Variants in GRID1 observed in about 807,000 individuals in gnomAD.
The protein encoded by GRID1 is glutamate receptor ionotropic, delta-1.
GRID1 carries 28 observed loss-of-function variants against 98.0 expected under a neutral mutation model. That is an observed-to-expected ratio of 0.29 (90% CI 0.21 to 0.39). The LOEUF is 0.39. Among genes scored for constraint, GRID1 ranks in the 10% least tolerant of loss-of-function variants. The pLI is 1.00. For missense variants in GRID1, 1,111 were observed against 1,340.5 expected, an observed-to-expected ratio of 0.83 and a Z score of 2.67; for synonymous variants, 553 against 538.5, an observed-to-expected ratio of 1.03 and a Z score of -0.37.
At chr10:86,006,615 TA>T (rs756394543) in intron 4 of GRID1, among the ~76,000 whole-genome samples, 496 of 139,824 alleles carry the variant, frequency 3.5e-3, no homozygotes, top group Middle Eastern at 0.011. Context: ...AGACGCCGTC[TA>T]AAAAAAAAAA....
At chr10:85,613,727 T>TGCTGGCCCCACCAC in intron 14 of GRID1, 80 bp from the exon 15 acceptor site, 1 of 1,519,710 alleles carries the variant, frequency 6.6e-7, no homozygotes. Flanking sequence ...TGCCCCACCA[T>TGCTGGCCCCACCAC]GCTGGCCCCA....
intron 2 of GRID1, among the ~76,000 whole-genome samples, chr10:86,355,746 C>A (rs1381689392): frequency 6.6e-6 from 1 of 152,268 alleles, no homozygotes; most frequent in South Asian, 2.1e-4. Context: ...ACAGACCCAG[C>A]TGTCTTCCTG....
chr10:86,008,224 G>A (rs758696353), intron 4 of GRID1, among the ~76,000 whole-genome samples: 4 of 152,118 alleles, frequency 2.6e-5, no homozygotes, highest in African/African-American at 4.8e-5. Context: ...AAAGAAGGCA[G>A]GAACAGGAAC....
chr10:85,660,809 TGGCAG>T (rs1378770244), intron 12 of GRID1, among the ~76,000 whole-genome samples: 1 of 151,738 alleles, frequency 6.6e-6, no homozygotes, highest in Non-Finnish European at 1.5e-5. Flanking sequence ...CATGCTGGAG[TGGCAG>T]GGCAGGGAAG....
intron 5 of GRID1, among the ~76,000 whole-genome samples, chr10:85,877,889 G>T (rs935637306): frequency 2.0e-5 from 3 of 152,152 alleles, no homozygotes; most frequent in African/African-American, 7.2e-5. Context: ...TTAGACAAAT[G>T]GATAACTAGA....
chr10:86,306,166 G>C (rs552626842), intron 2 of GRID1, among the ~76,000 whole-genome samples: 42 of 152,284 alleles, frequency 2.8e-4, no homozygotes, highest in African/African-American at 9.6e-4. Flanking sequence ...CAAACAAGTG[G>C]GTACTAGCCT....
intron 2 of GRID1, among the ~76,000 whole-genome samples, chr10:86,224,024 C>T (rs1037310523): frequency 3.9e-5 from 6 of 152,216 alleles, no homozygotes; most frequent in Non-Finnish European, 8.8e-5. Flanking sequence ...CAAGGACCAG[C>T]AGGTGATACA....
In GRID1 at chr10:86,348,287, A is replaced by C. The variant is rs866954994; in HGVS notation, c.235+15654T>G. ...TGGTGCTCACAGACTTCAAAGGTGC[A>C]TGTAGAAGCCAGACACCAAAGATAC... On this transcript the variant is annotated intron_variant, in intron 2 of 15. Coordinates refer to ENST00000327946, the MANE Select transcript of GRID1 (RefSeq NM_017551.3). Among the ~76,000 whole-genome samples, 6 of 152,358 alleles carry C rather than the reference A, an allele frequency of 3.9e-5. No homozygotes were observed. In the East Asian group the frequency reaches 1.2e-3, roughly 29 times the overall value.
chr10:85,606,355 CT>C (rs1420882339), intron 15 of GRID1: 1 of 152,196 alleles, frequency 6.6e-6, no homozygotes, highest in Non-Finnish European at 1.5e-5. Flanking sequence ...GAAATCCATC[CT>C]CTTCACATCA....
intron 2 of GRID1, among the ~76,000 whole-genome samples, chr10:86,296,984 C>T (rs927932942): frequency 6.6e-6 from 1 of 152,136 alleles, no homozygotes; most frequent in Non-Finnish European, 1.5e-5. Context: ...AACTACCAAA[C>T]TTTATTTAGA....
chr10:85,625,993 G>T (rs1590164901), intron 13 of GRID1, among the ~76,000 whole-genome samples: 1 of 152,142 alleles, frequency 6.6e-6, no homozygotes, highest in Non-Finnish European at 1.5e-5. Flanking sequence ...AACTGCTTTG[G>T]AAAGGGACAA....
intron 8 of GRID1, among the ~76,000 whole-genome samples, chr10:85,766,730 TTGTGTGTGTGTG>T (rs35691322): frequency 1.0e-4 from 14 of 138,352 alleles, no homozygotes; most frequent in African/African-American, 1.6e-4. Context: ...AGGCAGATGA[TTGTGTGTGTGTG>T]TGTGTGTGTG....
At position 85,652,404 on chromosome 10, in the gene GRID1, C is replaced by T. The variant is rs79493131; in HGVS notation, c.1998-5007G>A. On this transcript the variant is annotated intron_variant, in intron 12 of 15. Transcript: ENST00000327946. ...GAATCAATATTCAGTATACGTAAAACGGATTTCAACAACGGTGGGGATGTC... is the reference window on the plus strand; with the variant it reads ...GAATCAATATTCAGTATACGTAAAATGGATTTCAACAACGGTGGGGATGTC... Among the ~76,000 whole-genome samples the T allele has an allele frequency of 4.7e-3, 712 of 152,240 alleles. 8 individuals carry two copies. The highest frequency in any genetic ancestry group is 0.016 in the African/African-American group (670 of 41,512).
intron 8 of GRID1, among the ~76,000 whole-genome samples, chr10:85,756,776 C>T (rs1272668978): frequency 6.6e-6 from 1 of 152,210 alleles, no homozygotes; most frequent in African/African-American, 2.4e-5. Context: ...TGTATAGACA[C>T]AGGCATTTGG....
At chr10:85,694,154 G>T (rs565555358) in intron 12 of GRID1, among the ~76,000 whole-genome samples, 6 of 151,942 alleles carry the variant, frequency 3.9e-5, no homozygotes, top group African/African-American at 9.7e-5. Flanking sequence ...ACATACCAAC[G>T]ATCAACAAAC....
chr10:86,016,303 C>T (rs1014220810), intron 4 of GRID1, among the ~76,000 whole-genome samples: 3 of 150,858 alleles, frequency 2.0e-5, no homozygotes, highest in Non-Finnish European at 3.0e-5. Context: ...CCCACCACCA[C>T]GCCTGGCTAA....
intron 15 of GRID1, 34 bp downstream of exon 15, chr10:85,613,373 C>T: frequency 6.3e-7 from 1 of 1,592,812 alleles, no homozygotes; most frequent in Non-Finnish European, 8.6e-7. Flanking sequence ...TGCCTCTAGG[C>T]TGTGAAAGGG....
intron 12 of GRID1, among the ~76,000 whole-genome samples, chr10:85,651,577 C>G (rs1407769575): frequency 6.6e-6 from 1 of 152,160 alleles, no homozygotes; most frequent in African/African-American, 2.4e-5. Context: ...GAAGTCTGAA[C>G]CCAGGATGAG....
chr10:85,628,133 G>A (rs1267520268), intron 13 of GRID1, among the ~76,000 whole-genome samples: 1 of 152,004 alleles, frequency 6.6e-6, no homozygotes, highest in Non-Finnish European at 1.5e-5. Flanking sequence ...GTGAGTGTGT[G>A]TGCATTCAAT....
Sources: gnomAD v4.1 joint callset for allele counts (sites outside exome capture counted in the v4.1 genomes callset) on GRCh38, gnomAD v4.1.1 for gene constraint, MANE v1.5 for transcripts, NCBI Gene and HGNC (gene_info 2026-07-23, HGNC 2026-07-21) for gene names.